The following NET1 variants were observed in gnomAD, a reference collection of about 807,000 sequenced individuals.
The protein encoded by NET1 is neuroepithelial cell-transforming gene 1 protein.
Under a neutral mutation model 61.1 loss-of-function variants are expected in NET1, and 42 were observed. That is an observed-to-expected ratio of 0.69 (90% CI 0.54 to 0.89). The LOEUF (loss-of-function observed/expected upper bound fraction) is 0.89. NET1 is among the 40% of genes least tolerant of loss of function. The pLI is 0.00. For missense variants in NET1, 654 were observed against 747.3 expected (o/e 0.88, Z 1.46); for synonymous variants, 254 against 281.8 (o/e 0.90, Z 0.99).
rs1832080149 is a variant in NET1 at position 5,416,189 on chromosome 10, A to AT, written c.128+3370dup. Among the ~76,000 whole-genome samples, 1 of 152,222 alleles carries AT rather than the reference A, an allele frequency of 6.6e-6. No individual in the cohort carries two copies. Among genetic ancestry groups the AT allele is most frequent in the South Asian group, 2.1e-4 (1 of 4,832 alleles). On this transcript the variant is annotated intron_variant, in intron 1 of 11. Transcript: ENST00000355029. This position sits in a 1 kb window ranked among gnomAD's most constrained non-coding sequence, Gnocchi z 6.1. Reference sequence around the variant, plus strand: ...AGTAGTCTTAGCACCCTTGTCAAAAATCAGTTGACCTTAAGCATGAGAGTT... The same window carrying AT: ...AGTAGTCTTAGCACCCTTGTCAAAAATTCAGTTGACCTTAAGCATGAGAGTT...
rs1832714602 is a variant in NET1, at chr10:5,452,079, A to T, written c.363+142A>T. The T allele has an allele frequency of 1.6e-6, 1 of 645,022 alleles. No individual in the cohort carries two copies. The highest frequency in any genetic ancestry group is 2.6e-6 in the Non-Finnish European group (1 of 391,214). 40.0% of individuals were successfully genotyped at this position (645,022 alleles called of 1,614,324 possible). On this transcript the variant is annotated intron_variant, in intron 4 of 11. Transcript: ENST00000355029. This position sits in a 1 kb window ranked among gnomAD's most constrained non-coding sequence, Gnocchi z 4.0. Reference sequence around the variant, plus strand: ...TTTTTGGAATATGCTAGTAAGGAATATTGTTCCAGAACAATGTGTAGCCTC... The same window carrying T: ...TTTTTGGAATATGCTAGTAAGGAATTTTGTTCCAGAACAATGTGTAGCCTC...
In NET1 at chr10:5,454,996, G is replaced by A; in HGVS notation, c.1075G>A (p.Glu359Lys). 2 of 1,614,158 alleles carry A rather than the reference G, an allele frequency of 1.2e-6. No individual in the cohort carries two copies. The highest frequency in any genetic ancestry group is 1.7e-6 in the Non-Finnish European group (2 of 1,180,020). ...CTCTGATATCAACTTGAAGAAAGGT[G>A]AATCCGAGTGCCAGTATTACATCGA... Reference protein sequence around the residue: ...VLSDINLKKGESECQYYIDKL... With the variant: ...VLSDINLKKGKSECQYYIDKL... Residue 359 changes from glutamate (E) to lysine (K), a missense_variant, in exon 10 of 12, where the codon GAA becomes AAA. Glu to Lys is a moderately conservative substitution (Grantham distance 56). Transcript: ENST00000355029. This position sits in a 1 kb window ranked among gnomAD's most constrained non-coding sequence, Gnocchi z 8.1.
At position 5,453,731 on chromosome 10, in the gene NET1, A is replaced by G. The variant is rs1445381931; in HGVS notation, c.768+171A>G. Among the ~76,000 whole-genome samples the G allele has an allele frequency of 6.6e-6, 1 of 152,216 alleles. No individual in the cohort carries two copies. The highest frequency in any genetic ancestry group is 1.5e-5 in the Non-Finnish European group (1 of 68,034). ...AAGAAGTTACAGTCTGTTTAAAAAAAAAAAAAAACACCTTCATTAATGCTA... is the reference window on the plus strand; with the variant it reads ...AAGAAGTTACAGTCTGTTTAAAAAAGAAAAAAAACACCTTCATTAATGCTA... On this transcript the variant is annotated intron_variant, in intron 8 of 11. Coordinates refer to ENST00000355029, the MANE Select transcript of NET1 (RefSeq NM_001047160.3). The surrounding 1 kb of genome is among the most constrained non-coding windows in gnomAD (Gnocchi z 4.9).
In NET1 at chr10:5,456,002, A is replaced by C. The variant is rs980760141; in HGVS notation, c.1198-85A>C. ...TTCGAAAAATAAATCTGATGAAATT[A>C]ATAATGTCGAGTTATTTTAGCAATA... On this transcript the variant is annotated intron_variant, in intron 10 of 11. Coordinates refer to ENST00000355029, the MANE Select transcript of NET1 (RefSeq NM_001047160.3). The surrounding 1 kb of genome is among the most constrained non-coding windows in gnomAD (Gnocchi z 7.0). The C allele has an allele frequency of 1.0e-5, 13 of 1,281,770 alleles. No individual in the cohort carries two copies. Among genetic ancestry groups the C allele is most frequent in the Non-Finnish European group, 1.4e-5 (13 of 932,862 alleles). The allele number at this position is 1,281,770 out of a possible 1,614,324, so 79.4% of individuals were successfully genotyped here. A position where few individuals can be genotyped will look rare whatever the true frequency, so the allele number is the denominator to read the frequency against.
Position 5,451,999 on chromosome 10 carries a change from GT to G in NET1, c.363+64del, listed in dbSNP as rs1832713539. ...ACTTTATAGAAGCCTGGAATTTGTA[GT>G]TGTCTTTGAGCTGTACAAACAAGTT... is the stretch of plus-strand genomic sequence containing the variant. On this transcript the variant is annotated intron_variant, in intron 4 of 11. Coordinates refer to ENST00000355029, the MANE Select transcript of NET1 (RefSeq NM_001047160.3). The surrounding 1 kb of genome is among the most constrained non-coding windows in gnomAD (Gnocchi z 6.1). 2 of 1,288,640 alleles carry G rather than the reference GT, an allele frequency of 1.6e-6. No homozygotes were observed. Among genetic ancestry groups the G allele is most frequent in the Admixed American group, 3.6e-5 (2 of 55,060 alleles). 79.8% of individuals were successfully genotyped at this position (1,288,640 alleles called of 1,614,324 possible).
chr10:5,451,757 T>C lies in NET1; in HGVS notation c.256-73T>C. The stretch of plus-strand genomic sequence containing the variant: ...ACAAAAATTGTTTTGTGAGAGGGCT[T>C]TACTTTGTCCAAGTTTGTATGAAAT... On this transcript the variant is annotated intron_variant, in intron 3 of 11. Transcript: ENST00000355029. The surrounding 1 kb of genome is among the most constrained non-coding windows in gnomAD (Gnocchi z 6.1). 8.3e-7 allele frequency: 1 copy of C among 1,206,114 alleles called. No homozygotes were observed. Among genetic ancestry groups the C allele is most frequent in the Admixed American group, 2.0e-5 (1 of 49,992 alleles). 74.7% of individuals were successfully genotyped at this position (1,206,114 alleles called of 1,614,324 possible).
rs1232252015 is a variant in NET1 at position 5,421,514 on chromosome 10, C to G, written c.129-5141C>G. 6.6e-6 allele frequency among the ~76,000 whole-genome samples: 1 copy of G among 152,070 alleles called. No homozygotes were observed. Among genetic ancestry groups the G allele is most frequent in the East Asian group, 1.9e-4 (1 of 5,196 alleles). Reference sequence around the variant, plus strand: ...AGTGGATATCCAGTTAAAGGTATAGCCTTAAATCAATTCTTGACAACCCAG... The same window carrying G: ...AGTGGATATCCAGTTAAAGGTATAGGCTTAAATCAATTCTTGACAACCCAG... On this transcript the variant is annotated intron_variant, in intron 1 of 11. Coordinates refer to ENST00000355029, the MANE Select transcript of NET1 (RefSeq NM_001047160.3). The surrounding 1 kb of genome is among the most constrained non-coding windows in gnomAD (Gnocchi z 4.2).
In NET1 at chr10:5,417,410, G is replaced by A; in HGVS notation, c.128+4590G>A. Reference sequence around the variant, plus strand: ...AGGCCTGGGGATGGAGCCCTAGCAAGGGACCACGCTCTCCTCTACGCAGCA... The same window carrying A: ...AGGCCTGGGGATGGAGCCCTAGCAAAGGACCACGCTCTCCTCTACGCAGCA... On this transcript the variant is annotated intron_variant, in intron 1 of 11. Transcript: ENST00000355029. The surrounding 1 kb of genome is among the most constrained non-coding windows in gnomAD (Gnocchi z 5.5). 6.6e-6 allele frequency among the ~76,000 whole-genome samples: 1 copy of A among 152,078 alleles called. No homozygotes were observed. Among genetic ancestry groups the A allele is most frequent in the Middle Eastern group, 3.2e-3 (1 of 314 alleles).
intron 3 of NET1, among the ~76,000 whole-genome samples, chr10:5,448,690 G>C (rs1292019607): frequency 7.7e-5 from 1 of 13,008 alleles, no homozygotes. Flanking sequence ...TTTTTTTTTT[G>C]AGGAGAGTAA....
Position 5,453,357 on chromosome 10 carries a change from C to A in NET1, c.691+11C>A. 1 of 1,589,274 alleles carries A rather than the reference C, an allele frequency of 6.3e-7. No individual in the cohort carries two copies. The highest frequency in any genetic ancestry group is 8.6e-7 in the Non-Finnish European group (1 of 1,157,426). On this transcript the variant is annotated intron_variant, in intron 7 of 11. Transcript: ENST00000355029. This position sits in a 1 kb window ranked among gnomAD's most constrained non-coding sequence, Gnocchi z 4.9. ...TACCTCTGCATGAAGGTTAGATGTG[C>A]CACTTAATTGTCATTAAATCTAAAG...
chr10:5,457,000 G>A lies in NET1; in HGVS notation c.*6G>A, dbSNP rs371529601. The A allele has an allele frequency of 5.9e-6, 9 of 1,536,894 alleles. No homozygotes were observed. The highest frequency in any genetic ancestry group is 8.8e-7 in the Non-Finnish European group (1 of 1,142,780). On this transcript the variant is annotated 3_prime_UTR_variant, in exon 12 of 12. Transcript: ENST00000355029. The surrounding 1 kb of genome is among the most constrained non-coding windows in gnomAD (Gnocchi z 7.0). ...GGAAAGAGACTTTGGTGTAGAGAAG[G>A]CTCTGTGTGTTAACTGATGGGAGAG... is the stretch of plus-strand genomic sequence containing the variant.
Position 5,441,473 on chromosome 10 carries a change from G to A in NET1, c.256-10357G>A, listed in dbSNP as rs1309583678. Among the ~76,000 whole-genome samples, 1 of 152,170 alleles carries A rather than the reference G, an allele frequency of 6.6e-6. No homozygotes were observed. The highest frequency in any genetic ancestry group is 2.4e-5 in the African/African-American group (1 of 41,440). The stretch of plus-strand genomic sequence containing the variant: ...GCTGAAGTTCAGGGAAAAATGGGAG[G>A]AATCCCATTCAACAGCTTGTTACAG... On this transcript the variant is annotated intron_variant, in intron 3 of 11. Coordinates refer to ENST00000355029, the MANE Select transcript of NET1 (RefSeq NM_001047160.3). The surrounding 1 kb of genome is among the most constrained non-coding windows in gnomAD (Gnocchi z 4.6).
rs1832787436 is a variant in NET1, at chr10:5,455,822, G to A, written c.1198-265G>A. ...GTTGCTACTAATAGGTCTTTGTGATGCAGAGCATTCACTTAGCTGCTGCTT... is the reference window on the plus strand; with the variant it reads ...GTTGCTACTAATAGGTCTTTGTGATACAGAGCATTCACTTAGCTGCTGCTT... On this transcript the variant is annotated intron_variant, in intron 10 of 11. Coordinates refer to ENST00000355029, the MANE Select transcript of NET1 (RefSeq NM_001047160.3). The surrounding 1 kb of genome is among the most constrained non-coding windows in gnomAD (Gnocchi z 6.5). Among the ~76,000 whole-genome samples, 1 of 152,150 alleles carries A rather than the reference G, an allele frequency of 6.6e-6. No homozygotes were observed. Among genetic ancestry groups the A allele is most frequent in the Non-Finnish European group, 1.5e-5 (1 of 68,032 alleles).
intron 3 of NET1, among the ~76,000 whole-genome samples, chr10:5,448,208 A>G (rs1003678308): frequency 1.3e-5 from 2 of 152,118 alleles, no homozygotes; most frequent in Non-Finnish European, 2.9e-5. Flanking sequence ...TCTTGATATG[A>G]TTGGTTATAG....
In NET1 at chr10:5,426,301, AGTTT is replaced by A. The variant is rs1280455021; in HGVS notation, c.129-348_129-345del. ...GTTGCTAAATTTTTTGCACTTAGGA[AGTTT>A]GTTTGCTGTTTTTTATTTAACCTAT... On this transcript the variant is annotated intron_variant, in intron 1 of 11. Transcript: ENST00000355029. This position sits in a 1 kb window ranked among gnomAD's most constrained non-coding sequence, Gnocchi z 4.6. 6.6e-6 allele frequency among the ~76,000 whole-genome samples: 1 copy of A among 152,132 alleles called. No individual in the cohort carries two copies. Among genetic ancestry groups the A allele is most frequent in the African/African-American group, 2.4e-5 (1 of 41,438 alleles).
chr10:5,456,704 G>GC lies in NET1; in HGVS notation c.1506dup (p.Phe503LeufsTer9). ...GTTCAACTGTATTCGAGCGGCCATT[G>GC]CCCCCTTCCAGTCGGCAGGCAGTCC... On this transcript the variant is annotated frameshift_variant, in exon 12 of 12. Transcript: ENST00000355029. LOFTEE classifies it low-confidence loss of function (END_TRUNC). The surrounding 1 kb of genome is among the most constrained non-coding windows in gnomAD (Gnocchi z 7.0). 1 of 1,614,006 alleles carries GC rather than the reference G, an allele frequency of 6.2e-7. No homozygotes were observed. Among genetic ancestry groups the GC allele is most frequent in the Non-Finnish European group, 8.5e-7 (1 of 1,180,000 alleles).
Position 5,435,182 on chromosome 10 carries a change from T to C in NET1, c.255+5953T>C, listed in dbSNP as rs1171232356. ...TGCTACGGGACCTATTCCAGACCAA[T>C]TCCATATATGAATGGAGGAATAGGG... On this transcript the variant is annotated intron_variant, in intron 3 of 11. Coordinates refer to ENST00000355029, the MANE Select transcript of NET1 (RefSeq NM_001047160.3). This position sits in a 1 kb window ranked among gnomAD's most constrained non-coding sequence, Gnocchi z 5.0. 6.6e-6 allele frequency among the ~76,000 whole-genome samples: 1 copy of C among 152,208 alleles called. No homozygotes were observed. The highest frequency in any genetic ancestry group is 1.5e-5 in the Non-Finnish European group (1 of 68,036).
rs1832276143 is a variant in NET1 at position 5,427,481 on chromosome 10, G to C, written c.195+760G>C. 6.6e-6 allele frequency among the ~76,000 whole-genome samples: 1 copy of C among 152,020 alleles called. No individual in the cohort carries two copies. Among genetic ancestry groups the C allele is most frequent in the South Asian group, 2.1e-4 (1 of 4,826 alleles). ...AGGCTCTGCTCTAACCATGTCAACAGTACCATATGTATCCTTCTATATTTT... is the reference window on the plus strand; with the variant it reads ...AGGCTCTGCTCTAACCATGTCAACACTACCATATGTATCCTTCTATATTTT... On this transcript the variant is annotated intron_variant, in intron 2 of 11. Coordinates refer to ENST00000355029, the MANE Select transcript of NET1 (RefSeq NM_001047160.3). The surrounding 1 kb of genome is among the most constrained non-coding windows in gnomAD (Gnocchi z 4.1).
At chr10:5,436,699 C>G (rs571114667) in intron 3 of NET1, among the ~76,000 whole-genome samples, 4 of 152,046 alleles carry the variant, frequency 2.6e-5, no homozygotes, top group African/African-American at 9.7e-5. Flanking sequence ...ATTTAACATT[C>G]CAAATACCAC....
Sources: gnomAD v4.1 joint callset for allele counts (sites outside exome capture counted in the v4.1 genomes callset) on GRCh38, gnomAD v4.1.1 for gene constraint, Gnocchi (gnomAD v3.1) non-coding constraint, MANE v1.5 for transcripts, NCBI Gene and HGNC (gene_info 2026-07-23, HGNC 2026-07-21) for gene names.